Variants in TMEM117 observed in about 807,000 individuals in gnomAD.
TMEM117 encodes transmembrane protein 117.
A neutral mutation model predicts 52.4 loss-of-function variants in TMEM117; 27 were observed. The observed-to-expected ratio is 0.51, with a 90% confidence interval of 0.38 to 0.71. The LOEUF is 0.71. TMEM117 is among the 30% of genes least tolerant of loss of function. The probability of loss-of-function intolerance (pLI) is 0.00; values close to 1 mark genes in which losing one functional copy is unlikely to be tolerated. For missense variants in TMEM117, 556 were observed against 630.5 expected (o/e 0.88, Z 1.26); for synonymous variants, 215 against 206.3 (o/e 1.04, Z -0.36).
intron 3 of TMEM117, among the ~76,000 whole-genome samples, chr12:44,102,865 T>C (rs1947886601): frequency 6.6e-6 from 1 of 152,136 alleles, no homozygotes; most frequent in African/African-American, 2.4e-5. Flanking sequence ...CATGCTGTTC[T>C]TGTGATAGTG....
In TMEM117 at chr12:44,033,480, G is replaced by T. The variant is rs562400873; in HGVS notation, c.410+89138G>T. The stretch of plus-strand genomic sequence containing the variant: ...TCCTATAACGATTTTATAATAATGT[G>T]CCAGTTTTGAAAACCGATCCTTTAT... On this transcript the variant is annotated intron_variant, in intron 3 of 7. Transcript: ENST00000266534. Among the ~76,000 whole-genome samples the T allele has an allele frequency of 1.8e-4, 27 of 152,266 alleles. No homozygotes were observed. In the East Asian group the frequency reaches 5.0e-3, roughly 28 times the overall value.
chr12:43,822,689 T>G, the TMEM117 span, among the ~76,000 whole-genome samples: 1 of 152,148 alleles, frequency 6.6e-6, no homozygotes, highest in Non-Finnish European at 1.5e-5. Flanking sequence ...GCTGCTCCTA[T>G]AGTAGACAGT....
Position 43,836,215 on chromosome 12 carries a change from G to A in TMEM117, c.-29+19G>A, listed in dbSNP as rs1279890667. The A allele has an allele frequency of 2.0e-5, 3 of 152,224 alleles. No individual in the cohort carries two copies. Among genetic ancestry groups the A allele is most frequent in the Admixed American group, 2.0e-4 (3 of 15,288 alleles). The allele number at this position is 152,224 out of a possible 1,614,324, so 9.4% of individuals were successfully genotyped here. On this transcript the variant is annotated intron_variant, in intron 1 of 7. Transcript: ENST00000266534. ...CCTTCGGGTGAGTACGTGGGCCCGG[G>A]CGTTGGGCGAGCCTCCCCAGCCGTT...
intron 3 of TMEM117, among the ~76,000 whole-genome samples, chr12:43,989,058 T>C (rs1298913895): frequency 6.6e-6 from 1 of 152,108 alleles, no homozygotes; most frequent in Non-Finnish European, 1.5e-5. Context: ...CAATAAGTTA[T>C]GTTTACTGTG....
rs116582188 is a variant in TMEM117 at position 44,204,747 on chromosome 12, C to T, written c.511-6543C>T. Among the ~76,000 whole-genome samples, 223 of 152,100 alleles carry T rather than the reference C, an allele frequency of 1.5e-3. 2 individuals carry two copies. The highest frequency in any genetic ancestry group is 5.1e-3 in the African/African-American group (210 of 41,486). Reference sequence around the variant, plus strand: ...AGGTTAGAGAACCCAGAAATAAAACCATACACCTACAACCATCTGATCTTC... The same window carrying T: ...AGGTTAGAGAACCCAGAAATAAAACTATACACCTACAACCATCTGATCTTC... On this transcript the variant is annotated intron_variant, in intron 4 of 7. Transcript: ENST00000266534.
At chr12:44,213,362 G>A (rs149477124) in intron 5 of TMEM117, among the ~76,000 whole-genome samples, 1,756 of 152,292 alleles carry the variant, frequency 0.012, 22 homozygotes, top group South Asian at 0.053. Flanking sequence ...TAGGTAGGGT[G>A]CTAAAGAAGA....
chr12:44,073,171 C>G (rs1947329690), intron 3 of TMEM117, among the ~76,000 whole-genome samples: 1 of 151,786 alleles, frequency 6.6e-6, no homozygotes, highest in Non-Finnish European at 1.5e-5. Flanking sequence ...CTTCCCTATT[C>G]TATATTACAA....
rs60287681 is a variant in TMEM117, at chr12:44,311,757, GTATA to G, written c.768+12026_768+12029del. Among the ~76,000 whole-genome samples the G allele has an allele frequency of 1.7e-3, 196 of 114,966 alleles. 4 individuals are homozygous for G. Among genetic ancestry groups the G allele is most frequent in the African/African-American group, 7.2e-3 (181 of 25,192 alleles). The allele number at this position is 114,966 out of a possible 152,430, so 75.4% of individuals were successfully genotyped here. ...TATATATGTATATATGTGTATATAT[GTATA>G]TATATATGTATATATGTGTATATAT... On this transcript the variant is annotated intron_variant, in intron 6 of 7. Transcript: ENST00000266534.
chr12:44,141,408 C>A (rs1948569735), intron 3 of TMEM117, among the ~76,000 whole-genome samples: 1 of 151,988 alleles, frequency 6.6e-6, no homozygotes, highest in African/African-American at 2.4e-5. Context: ...TCTGAAAAGC[C>A]CCAGAGTGTG....
chr12:43,880,843 C>A (rs541585387), intron 2 of TMEM117, among the ~76,000 whole-genome samples: 1 of 152,324 alleles, frequency 6.6e-6, no homozygotes, highest in South Asian at 2.1e-4. Flanking sequence ...AATAAGAAGT[C>A]AACCCTTTTC....
chr12:44,313,329 C>A (rs1951014744), intron 6 of TMEM117, among the ~76,000 whole-genome samples: 1 of 152,162 alleles, frequency 6.6e-6, no homozygotes, highest in Admixed American at 6.5e-5. Context: ...CTGCATATGA[C>A]TATCCAGTTA....
intron 2 of TMEM117, among the ~76,000 whole-genome samples, chr12:43,880,565 G>C (rs1445986431): frequency 2.6e-5 from 4 of 152,116 alleles, no homozygotes; most frequent in Non-Finnish European, 5.9e-5. Flanking sequence ...TAATGTAAAA[G>C]TCCGGTTTTG....
intron 6 of TMEM117, among the ~76,000 whole-genome samples, chr12:44,358,405 C>T (rs1395179345): frequency 6.6e-6 from 1 of 151,982 alleles, no homozygotes; most frequent in African/African-American, 2.4e-5. Context: ...TAGAAATTCT[C>T]AGAGGATGGT....
chr12:44,217,373 C>T (rs1192141693), intron 5 of TMEM117, among the ~76,000 whole-genome samples: 1 of 152,190 alleles, frequency 6.6e-6, no homozygotes, highest in Non-Finnish European at 1.5e-5. Context: ...TGAGCAGTCT[C>T]TTTCTGGGAT....
chr12:44,164,767 C>T (rs1948942246), intron 4 of TMEM117, among the ~76,000 whole-genome samples: 1 of 152,142 alleles, frequency 6.6e-6, no homozygotes. Flanking sequence ...TCACTTAAAC[C>T]ATGATCTGGA....
intron 3 of TMEM117, among the ~76,000 whole-genome samples, chr12:44,026,288 G>T (rs1946532190): frequency 6.6e-6 from 1 of 152,120 alleles, no homozygotes; most frequent in Non-Finnish European, 1.5e-5. Context: ...TACTCCTGCT[G>T]CTCTGGTACC....
intron 3 of TMEM117, among the ~76,000 whole-genome samples, chr12:43,981,144 C>T (rs1376168233): frequency 1.3e-5 from 2 of 152,086 alleles, no homozygotes; most frequent in East Asian, 1.9e-4. Context: ...TAACTTTTCC[C>T]ACAACCCTGA....
intron 3 of TMEM117, among the ~76,000 whole-genome samples, chr12:43,970,899 AT>A (rs111467716): frequency 0.018 from 2,687 of 150,540 alleles, 94 homozygotes; most frequent in African/African-American, 0.062. Flanking sequence ...TCTACCCTTG[AT>A]TTTTTTTTCA....
chr12:43,863,819 C>T (rs1303161420), intron 2 of TMEM117, among the ~76,000 whole-genome samples: 4 of 152,238 alleles, frequency 2.6e-5, no homozygotes, highest in African/African-American at 9.6e-5. Flanking sequence ...GCCCTTCAGC[C>T]TGCCACTGCA....
Sources: allele counts gnomAD v4.1 joint callset (sites outside exome capture counted in the v4.1 genomes callset), GRCh38; gene constraint gnomAD v4.1.1; transcripts MANE v1.5; gene names NCBI Gene and HGNC (gene_info 2026-07-23, HGNC 2026-07-21).